Variants in PPP1R13B observed in about 807,000 individuals in gnomAD.
The protein encoded by PPP1R13B is protein phosphatase 1 regulatory subunit 13B.
Under a neutral mutation model 119.8 loss-of-function variants are expected in PPP1R13B, and 44 were observed. The observed-to-expected ratio is 0.37, with a 90% CI of 0.29 to 0.47. The LOEUF is 0.47. Ranked by LOEUF, PPP1R13B falls within the 20% of genes least tolerant of loss-of-function variation. The probability of loss-of-function intolerance (pLI) is 0.99; values close to 1 mark genes in which losing one functional copy is unlikely to be tolerated. For missense variants in PPP1R13B, 1,227 were observed against 1,413.5 expected (o/e 0.87, Z 2.12); for synonymous variants, 542 against 561.5 (o/e 0.97, Z 0.49).
intron 7 of PPP1R13B, among the ~76,000 whole-genome samples, chr14:103,751,190 C>G (rs1469246337): frequency 6.6e-6 from 1 of 152,142 alleles, no homozygotes; most frequent in Non-Finnish European, 1.5e-5. Flanking sequence ...CAAACAAAAA[C>G]CTGGACTGCA....
intron 1 of PPP1R13B, among the ~76,000 whole-genome samples, chr14:103,842,475 G>C (rs1400563604): frequency 1.3e-5 from 2 of 151,616 alleles, no homozygotes; most frequent in Non-Finnish European, 2.9e-5. Context: ...GCTAATTTTT[G>C]TATTTTTAGT....
chr14:103,830,595 C>T (rs896122149), intron 1 of PPP1R13B, among the ~76,000 whole-genome samples: 42 of 152,186 alleles, frequency 2.8e-4, no homozygotes, highest in African/African-American at 7.7e-4. Context: ...GTACTCTTTA[C>T]TGCCTCCCAG....
intron 4 of PPP1R13B, among the ~76,000 whole-genome samples, chr14:103,760,114 T>C (rs929060799): frequency 2.0e-5 from 3 of 151,986 alleles, no homozygotes; most frequent in Non-Finnish European, 4.4e-5. Context: ...TAAGCTACCA[T>C]AAACCTGTAA....
intron 1 of PPP1R13B, among the ~76,000 whole-genome samples, chr14:103,834,581 C>CTTTTT (rs1157222905): frequency 5.6e-5 from 5 of 89,378 alleles, no homozygotes; most frequent in Non-Finnish European, 6.4e-5. Context: ...ATTTTAATGT[C>CTTTTT]TTTTTTTTTT....
intron 7 of PPP1R13B, among the ~76,000 whole-genome samples, chr14:103,752,534 C>CTTTTTTT (rs35277937): frequency 7.9e-6 from 1 of 126,306 alleles, no homozygotes; most frequent in South Asian, 2.5e-4. Flanking sequence ...GAATTAGATC[C>CTTTTTTT]TTTTTTTTTT....
At chr14:103,820,070 G>C (rs975315320) in intron 1 of PPP1R13B, among the ~76,000 whole-genome samples, 8 of 152,092 alleles carry the variant, frequency 5.3e-5, no homozygotes, top group Admixed American at 6.5e-5. Context: ...CGGGTACAGA[G>C]AGCTTAAAAC....
At chr14:103,790,939 GCAAC>G (rs535660652) in intron 2 of PPP1R13B, among the ~76,000 whole-genome samples, 1 of 152,104 alleles carries the variant, frequency 6.6e-6, no homozygotes, top group Non-Finnish European at 1.5e-5. Flanking sequence ...AATCTTCAGT[GCAAC>G]CAAAGAATTT....
intron 16 of PPP1R13B, 94 bp downstream of exon 16, chr14:103,735,909 G>C: frequency 7.2e-7 from 1 of 1,390,670 alleles, no homozygotes; most frequent in Non-Finnish European, 9.9e-7. Context: ...TCAGAGAAGC[G>C]AAGCCTCCCT....
intron 1 of PPP1R13B, among the ~76,000 whole-genome samples, chr14:103,841,505 G>A (rs748802391): frequency 8.6e-5 from 13 of 151,854 alleles, no homozygotes; most frequent in African/African-American, 2.4e-4. Context: ...TGGGAGAATC[G>A]CTTGAGCCCT....
chr14:103,746,655 G>C, intron 8 of PPP1R13B, 102 bp from the exon 9 acceptor site: 2 of 1,113,456 alleles, frequency 1.8e-6, no homozygotes, highest in Non-Finnish European at 2.5e-6. Flanking sequence ...CACTCACTCA[G>C]TGGTTGGTTT....
At chr14:103,758,297 T>C (rs1364258630) in intron 4 of PPP1R13B, among the ~76,000 whole-genome samples, 1 of 152,214 alleles carries the variant, frequency 6.6e-6, no homozygotes, top group Admixed American at 6.5e-5. Flanking sequence ...TCTAGATGAA[T>C]GCAGTTGGCT....
At chr14:103,831,255 T>C (rs961386519) in intron 1 of PPP1R13B, among the ~76,000 whole-genome samples, 2 of 151,922 alleles carry the variant, frequency 1.3e-5, no homozygotes, top group African/African-American at 2.4e-5. Context: ...AAGTAATATT[T>C]TTTATATAAT....
chr14:103,773,248 G>A (rs973399527), intron 4 of PPP1R13B, among the ~76,000 whole-genome samples: 1 of 152,074 alleles, frequency 6.6e-6, no homozygotes, highest in African/African-American at 2.4e-5. Flanking sequence ...AAGAAATTAA[G>A]AGACAAGGAG....
intron 1 of PPP1R13B, among the ~76,000 whole-genome samples, chr14:103,845,300 A>C (rs1316334902): frequency 2.6e-5 from 4 of 152,200 alleles, no homozygotes; most frequent in African/African-American, 9.7e-5. Flanking sequence ...ATTTACAACC[A>C]ACTCCAACTG....
Position 103,746,739 on chromosome 14 carries a change from G to A in PPP1R13B, c.970-186C>T, listed in dbSNP as rs1229418256. The A allele has an allele frequency of 7.9e-6, 4 of 505,338 alleles. No homozygotes were observed. In the South Asian group the frequency reaches 1.2e-4, roughly 16 times the overall value. The allele number at this position is 505,338 out of a possible 1,614,324, so 31.3% of individuals were successfully genotyped here. The stretch of plus-strand genomic sequence containing the variant: ...TGGAGAAGGAACTGTAGCTTCCTAT[G>A]AGCAATTCTCCGACAACACCCACCC... On this transcript the variant is annotated intron_variant, in intron 8 of 16. Transcript: ENST00000202556.
intron 3 of PPP1R13B, among the ~76,000 whole-genome samples, chr14:103,784,569 T>G (rs1464000188): frequency 8.8e-6 from 1 of 114,280 alleles, no homozygotes; most frequent in Non-Finnish European, 1.6e-5. Flanking sequence ...GGCGACAGAG[T>G]GAGACTCTGT....
Position 103,749,827 on chromosome 14 carries a change from T to C in PPP1R13B, c.936A>G (p.Glu312=). ...TTTTCCCATAGAGACGTTCACGCAG[T>C]TCACTGATTCGCTTGTCCATCATGG... is the stretch of plus-strand genomic sequence containing the variant. The part of the protein sequence containing the change: ...EVAMMDKRIS[E]LRERLYGKKI... Residue 312 remains glutamate, a synonymous_variant, in exon 8 of 17, where the codon GAA becomes GAG. Coordinates refer to ENST00000202556, the MANE Select transcript of PPP1R13B (RefSeq NM_015316.3). The C allele has an allele frequency of 1.2e-6, 2 of 1,614,104 alleles. No homozygotes were observed. The highest frequency in any genetic ancestry group is 1.7e-6 in the Non-Finnish European group (2 of 1,180,016).
At position 103,742,536 on chromosome 14, in the gene PPP1R13B, G is replaced by T. The variant is rs964191922; in HGVS notation, c.1320+118C>A. ...CCCTCTAGGACTTTGGGTGTTGTCTGGACAATAACAGGATTAACTTGCCTC... is the reference window on the plus strand; with the variant it reads ...CCCTCTAGGACTTTGGGTGTTGTCTTGACAATAACAGGATTAACTTGCCTC... On this transcript the variant is annotated intron_variant, in intron 10 of 16. Transcript: ENST00000202556. The surrounding 1 kb of genome is among the most constrained non-coding windows in gnomAD (Gnocchi z 4.9). 5 of 1,406,642 alleles carry T rather than the reference G, an allele frequency of 3.6e-6. No homozygotes were observed. Among genetic ancestry groups the T allele is most frequent in the South Asian group, 1.4e-5 (1 of 72,408 alleles). The allele number at this position is 1,406,642 out of a possible 1,614,324, so 87.1% of individuals were successfully genotyped here. A position where few individuals can be genotyped will look rare whatever the true frequency, so the allele number is the denominator to read the frequency against.
chr14:103,834,422 G>A (rs546057911), intron 1 of PPP1R13B, among the ~76,000 whole-genome samples: 4 of 152,082 alleles, frequency 2.6e-5, no homozygotes, highest in African/African-American at 7.2e-5. Flanking sequence ...AAGAAGGGGA[G>A]AGGCATTTCA....
Sources: gnomAD v4.1 joint callset for allele counts (sites outside exome capture counted in the v4.1 genomes callset) on GRCh38, gnomAD v4.1.1 for gene constraint, Gnocchi (gnomAD v3.1) non-coding constraint, MANE v1.5 for transcripts, NCBI Gene and HGNC (gene_info 2026-07-23, HGNC 2026-07-21) for gene names.